ANKRD33B: variants seen among roughly 807,000 people sequenced by gnomAD.
ANKRD33B encodes the protein ankyrin repeat domain 33B.
ANKRD33B carries 6 observed loss-of-function variants against 21.5 expected under a neutral mutation model. That is an observed-to-expected ratio of 0.28 (90% CI 0.15 to 0.55). The LOEUF is 0.55. ANKRD33B is among the 20% of genes least tolerant of loss of function. The pLI is 0.94. For missense variants in ANKRD33B, 698 were observed against 747.2 expected (o/e 0.93, Z 0.77); for synonymous variants, 347 against 342.4 (o/e 1.01, Z -0.15).
At chr5:10,568,691 C>T (rs1043097695) in intron 1 of ANKRD33B, among the ~76,000 whole-genome samples, 2 of 152,216 alleles carry the variant, frequency 1.3e-5, no homozygotes, top group Non-Finnish European at 2.9e-5. Flanking sequence ...TGCGCCACCA[C>T]GCCCGGCTAA....
intron 1 of ANKRD33B, among the ~76,000 whole-genome samples, chr5:10,603,466 T>A (rs547371090): frequency 1.3e-5 from 2 of 152,274 alleles, no homozygotes; most frequent in East Asian, 3.9e-4. Context: ...TTTTGCCATG[T>A]TGCCCAGGCT....
At chr5:10,583,279 C>T (rs1292667559) in intron 1 of ANKRD33B, among the ~76,000 whole-genome samples, 2 of 152,198 alleles carry the variant, frequency 1.3e-5, no homozygotes, top group African/African-American at 4.8e-5. Context: ...GGATTACAGG[C>T]GCGAGCCACC....
intron 1 of ANKRD33B, among the ~76,000 whole-genome samples, chr5:10,585,201 T>G (rs1272154282): frequency 6.6e-6 from 1 of 151,868 alleles, no homozygotes; most frequent in Non-Finnish European, 1.5e-5. Flanking sequence ...TTGGTCCTCT[T>G]TGAAGTGGAC....
rs185788966 is a variant in ANKRD33B, at chr5:10,588,581, G to A, written c.366+23748G>A. Among the ~76,000 whole-genome samples, 3 of 152,302 alleles carry A rather than the reference G, an allele frequency of 2.0e-5. No homozygotes were observed. The East Asian group carries it at 5.8e-4, about 29-fold the overall frequency. ...CTTTCCTCCCCATAACATCACACTT[G>A]GCCATGTCACTTGCTCTGGCCAATT... On this transcript the variant is annotated intron_variant, in intron 1 of 3. Coordinates refer to ENST00000296657, the MANE Select transcript of ANKRD33B (RefSeq NM_001164440.2).
intron 1 of ANKRD33B, among the ~76,000 whole-genome samples, chr5:10,613,111 C>T (rs1316509942): frequency 2.0e-5 from 3 of 152,084 alleles, no homozygotes; most frequent in Non-Finnish European, 4.4e-5. Flanking sequence ...GGCTCTGGGG[C>T]TCCCTGGGCC....
intron 1 of ANKRD33B, among the ~76,000 whole-genome samples, chr5:10,569,288 A>G (rs1735125087): frequency 6.6e-6 from 1 of 152,152 alleles, no homozygotes; most frequent in South Asian, 2.1e-4. Context: ...TGCAAGCACA[A>G]GCTTTGCTTT....
At chr5:10,642,661 T>C (rs955395068) in intron 3 of ANKRD33B, among the ~76,000 whole-genome samples, 2 of 152,174 alleles carry the variant, frequency 1.3e-5, no homozygotes, top group African/African-American at 4.8e-5. Context: ...AGCCCTCGGG[T>C]GCATGCTGGG....
At chr5:10,574,099 G>A (rs941644764) in intron 1 of ANKRD33B, among the ~76,000 whole-genome samples, 3 of 152,208 alleles carry the variant, frequency 2.0e-5, no homozygotes, top group African/African-American at 7.2e-5. Flanking sequence ...TGCGTGAGCA[G>A]GCGTGTACAC....
In ANKRD33B at chr5:10,655,653, ACTACTAGT is replaced by A. The variant is rs1481472792; in HGVS notation, c.*5543_*5550del. ...CCCTGTGCTGTGTCAGCTCCTGGAC[ACTACTAGT>A]CTTTCACATGATAAAGCGCGAGCAC... is the stretch of plus-strand genomic sequence containing the variant. On this transcript the variant is annotated 3_prime_UTR_variant, in exon 4 of 4. Transcript: ENST00000296657. 2.6e-5 allele frequency: 4 copies of A among 152,344 alleles called. No homozygotes were observed. Among genetic ancestry groups the A allele is most frequent in the African/African-American group, 9.7e-5 (4 of 41,448 alleles). The allele number at this position is 152,344 out of a possible 1,614,324, so 9.4% of individuals were successfully genotyped here.
chr5:10,612,950 T>G (rs1736202869), intron 1 of ANKRD33B, among the ~76,000 whole-genome samples: 1 of 152,228 alleles, frequency 6.6e-6, no homozygotes. Flanking sequence ...CTGGTGTTAT[T>G]ATGGGGTTTT....
rs529039567 is a variant in ANKRD33B at position 10,596,210 on chromosome 5, T to G, written c.367-22123T>G. Among the ~76,000 whole-genome samples the G allele has an allele frequency of 2.6e-5, 4 of 152,332 alleles. No individual in the cohort carries two copies. The East Asian group carries it at 7.7e-4, about 29-fold the overall frequency. The stretch of plus-strand genomic sequence containing the variant: ...GAGGCACATGTGCAGGATGTGCAGG[T>G]TTGTTACACAGGCAGTGTGCCATGC... On this transcript the variant is annotated intron_variant, in intron 1 of 3. Transcript: ENST00000296657.
chr5:10,634,748 A>G (rs188453943), intron 2 of ANKRD33B, among the ~76,000 whole-genome samples: 2 of 151,390 alleles, frequency 1.3e-5, no homozygotes, highest in East Asian at 3.9e-4. Context: ...GAGCCACTGC[A>G]CCTGGCCTCA....
At chr5:10,569,230 A>G (rs1735122514) in intron 1 of ANKRD33B, among the ~76,000 whole-genome samples, 1 of 152,182 alleles carries the variant, frequency 6.6e-6, no homozygotes, top group Non-Finnish European at 1.5e-5. Context: ...GTTAGTTACC[A>G]TAGAAAGTGA....
At chr5:10,610,382 T>C (rs1252536146) in intron 1 of ANKRD33B, among the ~76,000 whole-genome samples, 1 of 151,706 alleles carries the variant, frequency 6.6e-6, no homozygotes, top group African/African-American at 2.4e-5. Context: ...AGACCAGGGA[T>C]TGCATAGTAC....
chr5:10,584,882 T>C (rs1735520992), intron 1 of ANKRD33B, among the ~76,000 whole-genome samples: 1 of 152,206 alleles, frequency 6.6e-6, no homozygotes, highest in African/African-American at 2.4e-5. Flanking sequence ...GCTGAAAATT[T>C]CCGTCCTCGT....
intron 1 of ANKRD33B, among the ~76,000 whole-genome samples, chr5:10,595,232 TGTG>T (rs1735795386): frequency 1.3e-5 from 2 of 152,028 alleles, no homozygotes; most frequent in Non-Finnish European, 2.9e-5. Context: ...CATAGGTGGT[TGTG>T]GTGCTAGATT....
intron 1 of ANKRD33B, among the ~76,000 whole-genome samples, chr5:10,608,850 G>GC (rs1357486477): frequency 6.6e-6 from 1 of 152,140 alleles, no homozygotes; most frequent in African/African-American, 2.4e-5. Context: ...GAAAACAATC[G>GC]CAACACCCTT....
intron 3 of ANKRD33B, among the ~76,000 whole-genome samples, chr5:10,646,328 G>C (rs993337693): frequency 6.6e-6 from 1 of 152,180 alleles, no homozygotes; most frequent in African/African-American, 2.4e-5. Flanking sequence ...GAAGGTATTT[G>C]TATAAAATGT....
intron 1 of ANKRD33B, among the ~76,000 whole-genome samples, chr5:10,575,415 A>ACT (rs59657505): frequency 0.97 from 143,867 of 148,488 alleles, 69,884 homozygotes; most frequent in Middle Eastern, 1. Flanking sequence ...ACAGAGCGAG[A>ACT]CTGTCTCAAA....
Sources: gnomAD v4.1 joint callset for allele counts (sites outside exome capture counted in the v4.1 genomes callset) on GRCh38, gnomAD v4.1.1 for gene constraint, MANE v1.5 for transcripts, NCBI Gene and HGNC (gene_info 2026-07-23, HGNC 2026-07-21) for gene names.